The following AFG3L2 variants were observed in gnomAD, a reference collection of about 807,000 sequenced individuals.
The protein encoded by AFG3L2 is mitochondrial inner membrane m-AAA protease component AFG3L2.
In AFG3L2, 54 loss-of-function variants were observed where a neutral mutation model predicts 94.5. That is an observed-to-expected ratio of 0.57 (90% CI 0.46 to 0.72). AFG3L2 has a LOEUF of 0.72. AFG3L2 is among the 30% of genes least tolerant of loss of function. The pLI, the probability that AFG3L2 is intolerant of heterozygous loss-of-function variation, is 0.00. For missense variants in AFG3L2, 754 were observed against 994.9 expected (o/e 0.76, Z 3.26); for synonymous variants, 377 against 365.5 (o/e 1.03, Z -0.36).
intron 16 of AFG3L2, among the ~76,000 whole-genome samples, chr18:12,333,419 G>A (rs80189187): frequency 4.1e-5 from 6 of 147,034 alleles, no homozygotes; most frequent in African/African-American, 1.3e-4. Flanking sequence ...ATGCAGTGAC[G>A]TGATCACAGC....
intron 9 of AFG3L2, among the ~76,000 whole-genome samples, chr18:12,355,675 T>C (rs1233258116): frequency 9.8e-5 from 14 of 143,472 alleles, no homozygotes; most frequent in African/African-American, 3.6e-4. Flanking sequence ...ATTTACATAT[T>C]TTTTTTTTTT....
chr18:12,364,350 G>A (rs1377568822), intron 5 of AFG3L2, among the ~76,000 whole-genome samples: 1 of 152,136 alleles, frequency 6.6e-6, no homozygotes, highest in Non-Finnish European at 1.5e-5. Flanking sequence ...AAGCAATGCT[G>A]TTACGAACAT....
chr18:12,359,901 C>T, intron 7 of AFG3L2, 26 bp downstream of exon 7: 1 of 1,612,090 alleles, frequency 6.2e-7, no homozygotes. Context: ...AGTCAACAGT[C>T]TACAAAATAT....
intron 15 of AFG3L2, among the ~76,000 whole-genome samples, chr18:12,337,959 G>A (rs966751399): frequency 1.3e-5 from 2 of 152,106 alleles, no homozygotes; most frequent in Non-Finnish European, 2.9e-5. Context: ...TAATAGAGAC[G>A]GGTTTTTGTC....
At chr18:12,370,251 G>A (rs142109553) in intron 3 of AFG3L2, among the ~76,000 whole-genome samples, 21 of 152,076 alleles carry the variant, frequency 1.4e-4, no homozygotes, top group African/African-American at 4.8e-4. Flanking sequence ...AGATTTCTAC[G>A]ATTTTTCTCA....
chr18:12,374,327 T>C (rs1909077427), intron 1 of AFG3L2, among the ~76,000 whole-genome samples: 3 of 152,224 alleles, frequency 2.0e-5, no homozygotes. Context: ...AGGAGCACTT[T>C]TCAGTTGCTT....
chr18:12,333,022 T>TATATAAA (rs1439246542), intron 16 of AFG3L2, among the ~76,000 whole-genome samples: 3 of 79,642 alleles, frequency 3.8e-5, no homozygotes, highest in African/African-American at 1.3e-4. Flanking sequence ...AATATATTAA[T>TATATAAA]AATATATAAA....
chr18:12,356,750 T>A lies in AFG3L2; in HGVS notation c.1108A>T (p.Ile370Phe). The A allele has an allele frequency of 6.2e-7, 1 of 1,614,228 alleles. No individual in the cohort carries two copies. Among genetic ancestry groups the A allele is most frequent in the Non-Finnish European group, 8.5e-7 (1 of 1,180,042 alleles). ...AAAAACTCAGATCCACTAACGGTGA[T>A]GAAGGGGACATTGGCTTCTCCGGCT... ...ATAGEANVPFITVSGSEFLEM... is the reference protein window; with the variant it reads ...ATAGEANVPFFTVSGSEFLEM... The change falls in exon 9 of 17, where the codon ATC becomes TTC. Residue 370 changes from isoleucine (I) to phenylalanine (F), a missense_variant. Physicochemically the swap from Ile to Phe is conservative, Grantham distance 21 (BLOSUM62 0). Around this residue, in one of 4 missense-constraint regions of AFG3L2, gnomAD observed 109 missense variants for 227.1 expected, o/e 0.48. Coordinates refer to ENST00000269143, the MANE Select transcript of AFG3L2 (RefSeq NM_006796.3).
intron 1 of AFG3L2, among the ~76,000 whole-genome samples, chr18:12,372,171 G>C (rs1391215613): frequency 1.3e-5 from 2 of 152,148 alleles, no homozygotes; most frequent in Non-Finnish European, 2.9e-5. Context: ...AGGCACAGTG[G>C]CAGGTGCCTG....
In AFG3L2 at chr18:12,329,788, A is replaced by T. The variant is rs1484624814; in HGVS notation, c.2176-5T>A. On this transcript the variant is annotated splice_polypyrimidine_tract_variant and splice_region_variant and intron_variant, in intron 16 of 16. Transcript: ENST00000269143. ...TTCTAACAACAGAAGAGCAACCTGAAATATGAACAATTTTCATTAAATACA... is the reference window on the plus strand; with the variant it reads ...TTCTAACAACAGAAGAGCAACCTGATATATGAACAATTTTCATTAAATACA... 2 of 1,606,852 alleles carry T rather than the reference A, an allele frequency of 1.2e-6. No individual in the cohort carries two copies. Among genetic ancestry groups the T allele is most frequent in the Non-Finnish European group, 1.7e-6 (2 of 1,173,430 alleles).
chr18:12,333,771 GT>G (rs1187461094), intron 16 of AFG3L2, among the ~76,000 whole-genome samples: 2 of 152,104 alleles, frequency 1.3e-5, no homozygotes, highest in East Asian at 3.9e-4. Context: ...ACATTTAACA[GT>G]TCTCGATTCA....
In AFG3L2 at chr18:12,329,124, A is replaced by G. The variant is rs2143071322; in HGVS notation, c.*441T>C. On this transcript the variant is annotated 3_prime_UTR_variant, in exon 17 of 17. Coordinates refer to ENST00000269143, the MANE Select transcript of AFG3L2 (RefSeq NM_006796.3). ...AAGTCAAATTAAAATGTTCTTATCA[A>G]GACTCCAATTTAATTTCACAGCCCA... is the stretch of plus-strand genomic sequence containing the variant. The G allele has an allele frequency of 1.4e-6, 1 of 702,890 alleles. No homozygotes were observed. Among genetic ancestry groups the G allele is most frequent in the East Asian group, 2.7e-5 (1 of 37,306 alleles). The allele number at this position is 702,890 out of a possible 1,614,324, so 43.5% of individuals were successfully genotyped here. A position where few individuals can be genotyped will look rare whatever the true frequency, so the allele number is the denominator to read the frequency against.
At chr18:12,333,687 C>T (rs11663340) in intron 16 of AFG3L2, among the ~76,000 whole-genome samples, 14,290 of 152,126 alleles carry the variant, frequency 0.094, 842 homozygotes, top group Middle Eastern at 0.19. Context: ...CAACATGTGA[C>T]GACACAAAAC....
At chr18:12,337,289 C>T (rs77671335) in intron 16 of AFG3L2, 52 bp downstream of exon 16, 63,122 of 1,536,914 alleles carry the variant, frequency 0.041, 1,457 homozygotes, top group Non-Finnish European at 0.046. Context: ...TCTATCACTT[C>T]AATCTTTTTT....
chr18:12,376,984 C>G lies in AFG3L2; in HGVS notation c.99G>C (p.Gln33His). The stretch of plus-strand genomic sequence containing the variant: ...TAGGACTCACCGTCCGGAGGCAGGG[C>G]TGCTCGCCCGGGCCCACGCCGCCAG... ...LVPGGVGPGEQPCLRTLYRFV... is the reference protein window; with the variant it reads ...LVPGGVGPGEHPCLRTLYRFV... Residue 33 changes from glutamine (Q) to histidine (H), a missense_variant, in exon 1 of 17, where the codon CAG becomes CAC. Gln to His is a conservative substitution (Grantham distance 24). This residue lies in a region of AFG3L2 where 236 missense variants were observed against 214.0 expected (regional missense o/e 1.10). Coordinates refer to ENST00000269143, the MANE Select transcript of AFG3L2 (RefSeq NM_006796.3). The G allele has an allele frequency of 6.8e-7, 1 of 1,460,950 alleles. No homozygotes were observed. Among genetic ancestry groups the G allele is most frequent in the South Asian group, 1.3e-5 (1 of 76,120 alleles). The allele number at this position is 1,460,950 out of a possible 1,614,324, so 90.5% of individuals were successfully genotyped here.
intron 3 of AFG3L2, 125 bp downstream of exon 3, chr18:12,370,724 G>T: frequency 5.8e-6 from 4 of 693,718 alleles, no homozygotes; most frequent in South Asian, 1.6e-5. Context: ...CTCCCAAAAG[G>T]CTGGGATTAC....
intron 6 of AFG3L2, among the ~76,000 whole-genome samples, chr18:12,361,340 G>A (rs187816650): frequency 2.6e-5 from 4 of 151,890 alleles, no homozygotes; most frequent in East Asian, 1.9e-4. Flanking sequence ...GCAACAGAGC[G>A]AGACTCCATT....
rs143133676 is a variant in AFG3L2 at position 12,340,353 on chromosome 18, G to C, written c.1828C>G (p.Pro610Ala). The C allele has an allele frequency of 8.7e-6, 14 of 1,614,022 alleles. No homozygotes were observed. The African/African-American group carries it at 1.7e-4, about 20-fold the overall frequency. Residue 610 changes from proline (P) to alanine (A), a missense_variant, in exon 15 of 17, where the codon CCA becomes GCA. Physicochemically the swap from Pro to Ala is conservative, Grantham distance 27. Coordinates refer to ENST00000269143, the MANE Select transcript of AFG3L2 (RefSeq NM_006796.3). ...GKGLGYAQYL[P>A]KEQYLYTKEQ... ...TTGGTATAGAGGTATTGTTCTTTTG[G>C]TAAATACTGAGCATAACCTAGTCCT...
At chr18:12,360,482 G>C (rs1908626084) in intron 6 of AFG3L2, among the ~76,000 whole-genome samples, 1 of 152,218 alleles carries the variant, frequency 6.6e-6, no homozygotes, top group African/African-American at 2.4e-5. Flanking sequence ...GCATTGTTCT[G>C]GGCCCTTCAG....
Sources: gnomAD v4.1 joint callset for allele counts (sites outside exome capture counted in the v4.1 genomes callset) on GRCh38, gnomAD v4.1.1 for gene constraint, gnomAD v4.1.1 regional missense constraint, MANE v1.5 for transcripts, NCBI Gene and HGNC (gene_info 2026-07-23, HGNC 2026-07-21) for gene names.